The following TRIM66 variants were observed in gnomAD, a reference collection of about 807,000 sequenced individuals.
TRIM66 encodes tripartite motif containing 66, also known as tripartite motif-containing protein 66.
In TRIM66, 99 loss-of-function variants were observed where a neutral mutation model predicts 148.2. The ratio of observed to expected loss-of-function variants is 0.67; its 90% CI spans 0.57 to 0.79. The LOEUF (loss-of-function observed/expected upper bound fraction) is 0.79, where lower values mean the gene tolerates loss of function less well. Among genes scored for constraint, TRIM66 ranks in the 30% least tolerant of loss-of-function variants. TRIM66 has a pLI of 0.00. For missense variants in TRIM66, 1,666 were observed against 1,697.9 expected, an observed-to-expected ratio of 0.98 and a Z score of 0.33; for synonymous variants, 616 against 635.9, an observed-to-expected ratio of 0.97 and a Z score of 0.47.
chr11:8,671,231 C>G (rs1167163216), intron 6 of TRIM66, among the ~76,000 whole-genome samples: 2 of 152,180 alleles, frequency 1.3e-5, no homozygotes, highest in Non-Finnish European at 2.9e-5. Flanking sequence ...TTCACTGTAC[C>G]TCTGTGACAT....
At chr11:8,634,342 G>GT (rs1031333899) in intron 15 of TRIM66, among the ~76,000 whole-genome samples, 11 of 152,202 alleles carry the variant, frequency 7.2e-5, no homozygotes, top group Admixed American at 6.5e-4. Context: ...ATTTTCTTGT[G>GT]TTTTTTTGTA....
intron 13 of TRIM66, among the ~76,000 whole-genome samples, chr11:8,641,527 T>C (rs140694919): frequency 1.8e-4 from 27 of 152,248 alleles, no homozygotes; most frequent in African/African-American, 6.0e-4. Flanking sequence ...GGGAGTATGC[T>C]AGAAAGTAGC....
Position 8,621,279 on chromosome 11 carries a change from G to C in TRIM66, c.3298C>G (p.Leu1100Val). The change falls in exon 20 of 25, where the codon CTG becomes GTG. Residue 1100 changes from leucine to valine, a missense_variant. Leu to Val is a conservative substitution (Grantham distance 32). Transcript: ENST00000646038. ...RLSEATQAPG[L>V]EGRKVTVTSL... is the part of the protein sequence containing the mutation. Reference sequence around the variant, plus strand: ...GTGACAGTGACCTTTCTTCCCTCCAGACCTGGGGCCTGGGTGGCCTCAGAC... The same window carrying C: ...GTGACAGTGACCTTTCTTCCCTCCACACCTGGGGCCTGGGTGGCCTCAGAC... 2.6e-6 allele frequency: 4 copies of C among 1,551,672 alleles called. No homozygotes were observed. Among genetic ancestry groups the C allele is most frequent in the Non-Finnish European group, 3.5e-6 (4 of 1,146,996 alleles).
chr11:8,683,126 AGGACCATCTC>A, upstream of TRIM66: 2 of 1,443,532 alleles, frequency 1.4e-6, no homozygotes, highest in Non-Finnish European at 2.0e-6. Flanking sequence ...ACAGGCTTAC[AGGACCATCTC>A]GGCTGGCGGG....
At chr11:8,656,962 T>G (rs1565552461) in intron 6 of TRIM66, among the ~76,000 whole-genome samples, 1 of 152,180 alleles carries the variant, frequency 6.6e-6, no homozygotes, top group Non-Finnish European at 1.5e-5. Context: ...ACAGCTCAAC[T>G]GCAGGACCCA....
chr11:8,657,030 T>C (rs868189742), intron 6 of TRIM66, among the ~76,000 whole-genome samples: 1 of 152,136 alleles, frequency 6.6e-6, no homozygotes, highest in Non-Finnish European at 1.5e-5. Flanking sequence ...TGCTGGGACC[T>C]AGAACATGTG....
chr11:8,650,450 G>A lies in TRIM66; in HGVS notation c.445-563C>T, dbSNP rs115695971. On this transcript the variant is annotated intron_variant, in intron 7 of 24. Coordinates refer to ENST00000646038, the MANE Select transcript of TRIM66 (RefSeq NM_001388022.1). ...AAGAGGAGGAGAGGAGGAGGGGAAG[G>A]AGCAGAAGGAAAAGGAGGAAGGGAA... Among the ~76,000 whole-genome samples the A allele has an allele frequency of 4.3e-3, 620 of 145,548 alleles. 5 individuals are homozygous for A. Among genetic ancestry groups the A allele is most frequent in the African/African-American group, 0.015 (598 of 40,120 alleles).
At chr11:8,664,459 C>T (rs1026767561) in intron 6 of TRIM66, among the ~76,000 whole-genome samples, 8 of 152,070 alleles carry the variant, frequency 5.3e-5, no homozygotes, top group African/African-American at 1.7e-4. Flanking sequence ...TTGACCTTAC[C>T]GGGCAGTAGT....
upstream of TRIM66, chr11:8,682,900 C>T (rs527256780): frequency 6.0e-6 from 9 of 1,493,972 alleles, no homozygotes; most frequent in African/African-American, 1.3e-4. Context: ...CATCCACTCC[C>T]TACCATGGTC....
chr11:8,644,453 C>T (rs1161989977), intron 12 of TRIM66: 1 of 454,248 alleles, frequency 2.2e-6, no homozygotes, highest in Admixed American at 2.4e-5. Flanking sequence ...AAAAAAAAGA[C>T]ACCATAAAGG....
At position 8,623,853 on chromosome 11, in the gene TRIM66, GT is replaced by G. The variant is rs2034544143; in HGVS notation, c.3019+505del. ...GGAAAATCCTTACTACTCAGAGGAA[GT>G]TATCAAATGATTTCACTATAGTTAC... is the stretch of plus-strand genomic sequence containing the variant. On this transcript the variant is annotated intron_variant, in intron 17 of 24. Coordinates refer to ENST00000646038, the MANE Select transcript of TRIM66 (RefSeq NM_001388022.1). Among the ~76,000 whole-genome samples, 3 of 152,196 alleles carry G rather than the reference GT, an allele frequency of 2.0e-5. No homozygotes were observed. In the South Asian group the frequency reaches 6.2e-4, roughly 32 times the overall value.
chr11:8,682,705 G>C (rs759947084), upstream of TRIM66: 10 of 1,379,180 alleles, frequency 7.3e-6, no homozygotes, highest in African/African-American at 1.5e-5. Context: ...AGGAGGCCCC[G>C]CCCGAAGCCC....
intron 16 of TRIM66, 56 bp downstream of exon 16, chr11:8,624,657 A>G (rs2034636134): frequency 2.0e-6 from 3 of 1,475,426 alleles, no homozygotes; most frequent in South Asian, 1.4e-5. Flanking sequence ...CCAGTGGCCA[A>G]TCTTTTGCCC....
chr11:8,628,351 A>G (rs2035051808), intron 15 of TRIM66, among the ~76,000 whole-genome samples: 1 of 151,688 alleles, frequency 6.6e-6, no homozygotes, highest in South Asian at 2.1e-4. Flanking sequence ...GGTGGCTCAC[A>G]CCTGTAATCC....
At chr11:8,621,557 G>T in intron 19 of TRIM66, 88 bp downstream of exon 19, 1 of 1,425,452 alleles carries the variant, frequency 7.0e-7, no homozygotes. Flanking sequence ...CTCAGGAAAG[G>T]TCCCAGAGTC....
intron 14 of TRIM66, 118 bp from the exon 15 acceptor site, chr11:8,638,933 T>C: frequency 1.8e-6 from 2 of 1,093,732 alleles, no homozygotes; most frequent in Non-Finnish European, 2.5e-6. Context: ...TTGCACATTG[T>C]GGACTGCTTA....
chr11:8,633,896 G>A (rs944819515), intron 15 of TRIM66, among the ~76,000 whole-genome samples: 2 of 152,158 alleles, frequency 1.3e-5, no homozygotes, highest in African/African-American at 4.8e-5. Context: ...AAAATGCTTT[G>A]ATAATGGTAT....
upstream of TRIM66, chr11:8,682,835 G>T (rs185245303): frequency 2.5e-6 from 4 of 1,610,466 alleles, no homozygotes; most frequent in African/African-American, 1.3e-5. Flanking sequence ...TTCGTTTCTT[G>T]CCTCCTCTTC....
chr11:8,646,925 GA>G (rs376933667), intron 10 of TRIM66, among the ~76,000 whole-genome samples: 6 of 66,424 alleles, frequency 9.0e-5, no homozygotes, highest in African/African-American at 3.1e-4. Flanking sequence ...GAGGTAAAAA[GA>G]GGCAGAATGC....
Sources: gnomAD v4.1 joint callset for allele counts (sites outside exome capture counted in the v4.1 genomes callset) on GRCh38, gnomAD v4.1.1 for gene constraint, MANE v1.5 for transcripts, NCBI Gene and HGNC (gene_info 2026-07-23, HGNC 2026-07-21) for gene names.